PRELID2: variants seen among roughly 807,000 people sequenced by gnomAD.
PRELID2 encodes PRELI domain-containing protein 2.
A neutral mutation model predicts 28.4 loss-of-function variants in PRELID2; 25 were observed. The observed-to-expected ratio is 0.88, with a 90% confidence interval of 0.64 to 1.23. The LOEUF (loss-of-function observed/expected upper bound fraction) is 1.23. Ranked by LOEUF, PRELID2 falls within the 50% of genes most tolerant of loss-of-function variation. PRELID2 has a pLI of 0.00. For missense variants in PRELID2, 201 were observed against 214.4 expected (o/e 0.94, Z 0.39); for synonymous variants, 76 against 71.6 (o/e 1.06, Z -0.31).
the PRELID2 span, among the ~76,000 whole-genome samples, chr5:145,381,390 G>A: frequency 6.6e-6 from 1 of 152,152 alleles, no homozygotes; most frequent in Non-Finnish European, 1.5e-5. Flanking sequence ...TATTGGGTTG[G>A]TGCAAAATTA....
chr5:145,479,834 C>T (rs1752140105), intron 1 of PRELID2, among the ~76,000 whole-genome samples: 1 of 152,022 alleles, frequency 6.6e-6, no homozygotes, highest in African/African-American at 2.4e-5. Flanking sequence ...CATTTTCTTC[C>T]TCATAGATGA....
intron 1 of PRELID2, chr5:145,834,882 G>C: frequency 2.9e-6 from 1 of 344,764 alleles, no homozygotes; most frequent in Non-Finnish European, 5.3e-6. Flanking sequence ...CCACACGTCG[G>C]TCATCTGCAA....
chr5:145,749,186 C>T (rs373886062), intron 1 of PRELID2, among the ~76,000 whole-genome samples: 7 of 152,222 alleles, frequency 4.6e-5, no homozygotes, highest in African/African-American at 1.4e-4. Context: ...AAGAGGCAAC[C>T]TGCAAAATGG....
the PRELID2 span, among the ~76,000 whole-genome samples, chr5:145,339,051 C>T: frequency 6.6e-6 from 1 of 152,086 alleles, no homozygotes; most frequent in African/African-American, 2.4e-5. Context: ...ATATAGCTGC[C>T]TCATTATCCC....
chr5:145,554,468 T>C (rs1322598421), intron 1 of PRELID2, among the ~76,000 whole-genome samples: 1 of 152,170 alleles, frequency 6.6e-6, no homozygotes, highest in African/African-American at 2.4e-5. Flanking sequence ...AGAGATGTGA[T>C]AGAAGCTGCA....
At chr5:145,767,678 CT>C (rs1561585281) in intron 5 of PRELID2, among the ~76,000 whole-genome samples, 1 of 152,170 alleles carries the variant, frequency 6.6e-6, no homozygotes, top group African/African-American at 2.4e-5. Context: ...TGTGCTCCCC[CT>C]TTTGCAAGGG....
the PRELID2 span, among the ~76,000 whole-genome samples, chr5:145,367,062 C>T: frequency 4.0e-5 from 6 of 151,784 alleles, no homozygotes; most frequent in Admixed American, 3.3e-4. Context: ...GGATAATTAG[C>T]TTCTTCTTAC....
chr5:145,648,469 T>C (rs1055791103), intron 1 of PRELID2, among the ~76,000 whole-genome samples: 22 of 151,742 alleles, frequency 1.4e-4, no homozygotes, highest in Middle Eastern at 3.4e-3. Context: ...TTATCTTTGG[T>C]GAGGGAAGGA....
intron 1 of PRELID2, among the ~76,000 whole-genome samples, chr5:145,707,035 G>A (rs1436750029): frequency 5.3e-5 from 8 of 152,204 alleles, no homozygotes; most frequent in African/African-American, 7.2e-5. Context: ...TAAGTCACTC[G>A]AGTGTCCTTC....
the PRELID2 span, among the ~76,000 whole-genome samples, chr5:145,300,854 T>C: frequency 6.6e-6 from 1 of 151,918 alleles, no homozygotes; most frequent in African/African-American, 2.4e-5. Context: ...GGAAGTCTTC[T>C]ATTCGATTTT....
chr5:145,580,007 T>G (rs1417422024), intron 1 of PRELID2, among the ~76,000 whole-genome samples: 1 of 152,048 alleles, frequency 6.6e-6, no homozygotes, highest in East Asian at 1.9e-4. Context: ...TAAGACCAAA[T>G]AACTTTCCAA....
the PRELID2 span, among the ~76,000 whole-genome samples, chr5:145,435,134 G>T: frequency 6.6e-6 from 1 of 152,182 alleles, no homozygotes; most frequent in South Asian, 2.1e-4. Flanking sequence ...ATCCTGGAAC[G>T]TATGCCCTTG....
At chr5:145,644,097 C>G (rs935588013) in intron 1 of PRELID2, among the ~76,000 whole-genome samples, 4 of 152,104 alleles carry the variant, frequency 2.6e-5, no homozygotes, top group African/African-American at 9.7e-5. Flanking sequence ...GATACCAGCT[C>G]CTCTTTGTGC....
At chr5:145,577,509 GA>G (rs974440500) in intron 1 of PRELID2, among the ~76,000 whole-genome samples, 1 of 151,614 alleles carries the variant, frequency 6.6e-6, no homozygotes, top group African/African-American at 2.4e-5. Flanking sequence ...TCTGGCAGAA[GA>G]AAAAAATCTG....
the PRELID2 span, among the ~76,000 whole-genome samples, chr5:145,441,741 G>A: frequency 3.4e-4 from 51 of 152,116 alleles, no homozygotes; most frequent in African/African-American, 1.0e-3. Context: ...AGCCTCCACC[G>A]CCACACATTG....
chr5:145,765,034 T>G (rs778615096), intron 5 of PRELID2, 34 bp from the exon 6 acceptor site: 66 of 1,413,516 alleles, frequency 4.7e-5, no homozygotes, highest in Non-Finnish European at 5.9e-5. Flanking sequence ...TAAAATGCCC[T>G]ATTTCACAGA....
At position 145,760,113 on chromosome 5, in the gene PRELID2, C is replaced by T. The variant is rs766813073; in HGVS notation, c.*423G>A. On this transcript the variant is annotated 3_prime_UTR_variant, in exon 7 of 7. Coordinates refer to ENST00000683046, the MANE Select transcript of PRELID2 (RefSeq NM_205846.3). ...CCTTATTGGTTCCAGAATCCCCTCACGAATCCTAGGAACAACGGTGCTGAT... is the reference window on the plus strand; with the variant it reads ...CCTTATTGGTTCCAGAATCCCCTCATGAATCCTAGGAACAACGGTGCTGAT... 1 of 152,104 alleles carries T rather than the reference C, an allele frequency of 6.6e-6. No individual in the cohort carries two copies. Among genetic ancestry groups the T allele is most frequent in the Non-Finnish European group, 1.5e-5 (1 of 68,038 alleles). 9.4% of individuals were successfully genotyped at this position (152,104 alleles called of 1,614,324 possible). A position where few individuals can be genotyped will look rare whatever the true frequency, so the allele number is the denominator to read the frequency against.
At chr5:145,546,902 A>G (rs377697263) in intron 1 of PRELID2, among the ~76,000 whole-genome samples, 2 of 152,194 alleles carry the variant, frequency 1.3e-5, no homozygotes, top group Non-Finnish European at 2.9e-5. Context: ...TAAGAGGACA[A>G]GTTTTGTGAT....
At chr5:145,420,264 T>C in the PRELID2 span, among the ~76,000 whole-genome samples, 24 of 152,186 alleles carry the variant, frequency 1.6e-4, no homozygotes, top group African/African-American at 5.8e-4. Flanking sequence ...TCCAATTCTG[T>C]GAAGAAAGTC....
Sources: allele counts gnomAD v4.1 joint callset (sites outside exome capture counted in the v4.1 genomes callset), GRCh38; gene constraint gnomAD v4.1.1; transcripts MANE v1.5; gene names NCBI Gene and HGNC (gene_info 2026-07-23, HGNC 2026-07-21).